Variants in PCDH15 observed in about 807,000 individuals in gnomAD.
PCDH15 encodes the protein protocadherin-15.
Under a neutral mutation model 178.5 loss-of-function variants are expected in PCDH15, and 129 were observed. The observed-to-expected ratio is 0.72, with a 90% CI of 0.63 to 0.84. PCDH15 has a LOEUF of 0.84. Among genes scored for constraint, PCDH15 ranks in the 40% least tolerant of loss-of-function variants. The pLI, the probability that PCDH15 is intolerant of heterozygous loss-of-function variation, is 0.00. For missense variants in PCDH15, 2,230 were observed against 2,099.9 expected (o/e 1.06, Z -1.21); for synonymous variants, 800 against 732.0 (o/e 1.09, Z -1.50).
At chr10:53,918,083 C>A (rs2083678636) in intron 25 of PCDH15, among the ~76,000 whole-genome samples, 1 of 152,118 alleles carries the variant, frequency 6.6e-6, no homozygotes, top group Non-Finnish European at 1.5e-5. Context: ...TATAAATTAC[C>A]CAGCCTCAGG....
At chr10:54,036,524 T>G (rs2093420577) in intron 18 of PCDH15, among the ~76,000 whole-genome samples, 1 of 151,846 alleles carries the variant, frequency 6.6e-6, no homozygotes, top group South Asian at 2.1e-4. Flanking sequence ...GCATAAACTA[T>G]GTTTACAGCA....
intron 2 of PCDH15, among the ~76,000 whole-genome samples, chr10:55,151,580 A>G (rs1838714827): frequency 6.6e-6 from 1 of 152,072 alleles, no homozygotes; most frequent in Non-Finnish European, 1.5e-5. Flanking sequence ...CTTCAATAAG[A>G]TGATACTTCA....
At chr10:54,467,602 T>C (rs12781533) in intron 3 of PCDH15, among the ~76,000 whole-genome samples, 1 of 65,948 alleles carries the variant, frequency 1.5e-5, no homozygotes, top group Non-Finnish European at 2.8e-5. Flanking sequence ...CAAGCTGTAG[T>C]TTTTTTTTTT....
chr10:54,503,065 T>C (rs1376475499), intron 3 of PCDH15, among the ~76,000 whole-genome samples: 1 of 151,612 alleles, frequency 6.6e-6, no homozygotes, highest in Non-Finnish European at 1.5e-5. Context: ...CTAAGCTTGC[T>C]ATAAAATCTT....
At chr10:55,077,974 A>T (rs1447874737) in intron 2 of PCDH15, among the ~76,000 whole-genome samples, 1 of 152,182 alleles carries the variant, frequency 6.6e-6, no homozygotes, top group Non-Finnish European at 1.5e-5. Context: ...TTCCAGGTTC[A>T]GAACTTCTTT....
At chr10:53,995,345 C>T (rs1304008624) in intron 21 of PCDH15, 2 of 402,954 alleles carry the variant, frequency 5.0e-6, no homozygotes, top group Non-Finnish European at 9.1e-6. Context: ...AAAACATATC[C>T]AGATTAAGTG....
rs538343332 is a variant in PCDH15, at chr10:54,629,141, C to CA, written c.91+35030dup. Among the ~76,000 whole-genome samples, 311 of 147,038 alleles carry CA rather than the reference C, an allele frequency of 2.1e-3. 2 individuals are homozygous for CA. Among genetic ancestry groups the CA allele is most frequent in the African/African-American group, 6.5e-3 (263 of 40,342 alleles). ...CCGGAAGAAAGCATATGCTTCAACA[C>CA]AAAAAAAAAATTTGAGTGCAAAACT... On this transcript the variant is annotated intron_variant, in intron 2 of 37. Coordinates refer to ENST00000644397, the MANE Select transcript of PCDH15 (RefSeq NM_001384140.1).
At chr10:54,746,325 G>A (rs977021888) in intron 1 of PCDH15, among the ~76,000 whole-genome samples, 1 of 149,002 alleles carries the variant, frequency 6.7e-6, no homozygotes, top group Admixed American at 6.8e-5. Context: ...AAAGAAAGAG[G>A]GGAGGAGAGC....
intron 2 of PCDH15, among the ~76,000 whole-genome samples, chr10:55,115,985 G>A (rs1837619985): frequency 6.6e-6 from 1 of 152,120 alleles, no homozygotes; most frequent in South Asian, 2.1e-4. Context: ...TAGTCCTACA[G>A]GTATCTACAC....
intron 21 of PCDH15, among the ~76,000 whole-genome samples, chr10:53,989,912 CA>C (rs556227112): frequency 5.3e-5 from 8 of 152,174 alleles, no homozygotes; most frequent in African/African-American, 1.4e-4. Flanking sequence ...AGGAAAAATA[CA>C]ATTTTATAAC....
At chr10:55,622,648 C>T (rs1416124703) in intron 2 of PCDH15, among the ~76,000 whole-genome samples, 1 of 151,918 alleles carries the variant, frequency 6.6e-6, no homozygotes, top group Non-Finnish European at 1.5e-5. Flanking sequence ...GTAAAGTAAC[C>T]AAAGAAGTAC....
intron 26 of PCDH15, among the ~76,000 whole-genome samples, chr10:53,868,030 T>C (rs757554486): frequency 1.3e-5 from 2 of 152,062 alleles, no homozygotes; most frequent in African/African-American, 2.4e-5. Context: ...ATGAGAATCA[T>C]ATATTGGGCT....
chr10:55,506,726 G>C (rs1174366611), intron 2 of PCDH15, among the ~76,000 whole-genome samples: 1 of 151,492 alleles, frequency 6.6e-6, no homozygotes, highest in Non-Finnish European at 1.5e-5. Context: ...GAATCCTTCA[G>C]CATGTGCATA....
chr10:55,409,097 A>AG (rs1372298476), intron 2 of PCDH15, among the ~76,000 whole-genome samples: 1 of 150,554 alleles, frequency 6.6e-6, no homozygotes, highest in Non-Finnish European at 1.5e-5. Flanking sequence ...ATCTCACTGT[A>AG]GGTGTGTTCA....
In PCDH15 at chr10:53,822,373, AAGG is replaced by A. The variant is rs778824364; in HGVS notation, c.4368-2146_4368-2144del. 96 of 1,574,642 alleles carry A rather than the reference AAGG, an allele frequency of 6.1e-5. No homozygotes were observed. The highest frequency in any genetic ancestry group is 1.1e-4 in the Admixed American group (6 of 53,276). ...GGAGGAGGAAGAGGAAGAGGGATAG[AAGG>A]AGGAGAGGGAGGAGGACAAAAAAGA... On this transcript the variant is annotated intron_variant, in intron 32 of 37. Transcript: ENST00000644397.
At chr10:54,288,960 G>A (rs2059212567) in intron 8 of PCDH15, among the ~76,000 whole-genome samples, 1 of 152,238 alleles carries the variant, frequency 6.6e-6, no homozygotes, top group Non-Finnish European at 1.5e-5. Flanking sequence ...AAAGCAGCAG[G>A]CAACTTCTGC....
chr10:53,833,197 A>G (rs2077112838), intron 29 of PCDH15, among the ~76,000 whole-genome samples: 1 of 152,046 alleles, frequency 6.6e-6, no homozygotes, highest in Admixed American at 6.5e-5. Flanking sequence ...CATTAATTTA[A>G]GGGAAGAATA....
intron 2 of PCDH15, among the ~76,000 whole-genome samples, chr10:54,899,262 T>A (rs113864580): frequency 6.6e-6 from 1 of 152,244 alleles, no homozygotes; most frequent in African/African-American, 2.4e-5. Flanking sequence ...CCTTAAGGTA[T>A]TTTTTAGTTC....
At chr10:55,386,989 G>A (rs1005625423) in intron 2 of PCDH15, among the ~76,000 whole-genome samples, 2 of 152,014 alleles carry the variant, frequency 1.3e-5, no homozygotes, top group African/African-American at 4.8e-5. Flanking sequence ...GGAGGAAATC[G>A]TGAGAAACTA....
Sources: gnomAD v4.1 joint callset for allele counts (sites outside exome capture counted in the v4.1 genomes callset) on GRCh38, gnomAD v4.1.1 for gene constraint, MANE v1.5 for transcripts, NCBI Gene and HGNC (gene_info 2026-07-23, HGNC 2026-07-21) for gene names.